ZNF473: variants seen among roughly 807,000 people sequenced by gnomAD.
The protein encoded by ZNF473 is zinc finger protein 100 homolog.
In ZNF473, 4 loss-of-function variants were observed where a neutral mutation model predicts 11.1. That is an observed-to-expected ratio of 0.36 (90% CI 0.18 to 0.82). The LOEUF is 0.82. ZNF473 is among the 40% of genes least tolerant of loss of function. ZNF473 has a pLI of 0.49. For synonymous variants in ZNF473, 404 were observed against 390.4 expected (o/e 1.03, Z -0.41); for missense variants, 854 against 1,084.0 (o/e 0.79, Z 2.98).
At chr19:50,034,747 C>T (rs550637090) in intron 2 of ZNF473, among the ~76,000 whole-genome samples, 16 of 152,274 alleles carry the variant, frequency 1.1e-4, no homozygotes, top group African/African-American at 1.7e-4. Flanking sequence ...TGGCATGGTT[C>T]GACCTGTAGA....
intron 4 of ZNF473, 95 bp from the exon 5 acceptor site, chr19:50,044,575 A>C: frequency 9.5e-7 from 1 of 1,049,038 alleles, no homozygotes; most frequent in East Asian, 2.4e-5. Flanking sequence ...GGGTCCCTTG[A>C]TGGATAGGCT....
chr19:50,041,383 GC>G (rs2122839866), intron 3 of ZNF473: 2 of 170,476 alleles, frequency 1.2e-5, no homozygotes, highest in Non-Finnish European at 1.3e-5. Context: ...GCAATGTGTG[GC>G]CCATGGGTCA....
chr19:50,033,131 C>G (rs1475815073), intron 2 of ZNF473, among the ~76,000 whole-genome samples: 2 of 152,098 alleles, frequency 1.3e-5, no homozygotes, highest in African/African-American at 4.8e-5. Context: ...TAAGTAAATC[C>G]CATAGAATGC....
At position 50,039,135 on chromosome 19, in the gene ZNF473, G is replaced by C; in HGVS notation, c.10-26G>C. ...GCTCCTCCCTGACCCCAGCCTCTGAGTGACCAATAGTGTACTGTGTTTCAG... is the reference window on the plus strand; with the variant it reads ...GCTCCTCCCTGACCCCAGCCTCTGACTGACCAATAGTGTACTGTGTTTCAG... On this transcript the variant is annotated intron_variant, in intron 2 of 4. Coordinates refer to ENST00000270617, the MANE Select transcript of ZNF473 (RefSeq NM_015428.4). The surrounding 1 kb of genome is among the most constrained non-coding windows in gnomAD (Gnocchi z 4.8). 6.2e-7 allele frequency: 1 copy of C among 1,613,208 alleles called. No individual in the cohort carries two copies. Among genetic ancestry groups the C allele is most frequent in the Non-Finnish European group, 8.5e-7 (1 of 1,179,320 alleles).
chr19:50,031,574 C>T (rs1476278344), intron 2 of ZNF473, among the ~76,000 whole-genome samples: 1 of 152,134 alleles, frequency 6.6e-6, no homozygotes, highest in Non-Finnish European at 1.5e-5. Context: ...CCCCACCCTT[C>T]CCTAGGCAGT....
chr19:50,034,976 T>C (rs1011557414), intron 2 of ZNF473, among the ~76,000 whole-genome samples: 12 of 152,318 alleles, frequency 7.9e-5, no homozygotes, highest in Admixed American at 7.8e-4. Flanking sequence ...TTTCTTTTCA[T>C]GTATTAGTTG....
Position 50,030,965 on chromosome 19 carries a change from C to A in ZNF473, c.-118C>A. On this transcript the variant is annotated 5_prime_UTR_variant, in exon 2 of 5. Coordinates refer to ENST00000270617, the MANE Select transcript of ZNF473 (RefSeq NM_015428.4). The stretch of plus-strand genomic sequence containing the variant: ...CTCGTCAGCATGGACAGCGAGTCAG[C>A]CATGGGTGGAAGGGAGGCTTTCTCA... 6.9e-7 allele frequency: 1 copy of A among 1,445,328 alleles called. No individual in the cohort carries two copies. The highest frequency in any genetic ancestry group is 9.5e-7 in the Non-Finnish European group (1 of 1,052,236). 89.5% of individuals were successfully genotyped at this position (1,445,328 alleles called of 1,614,324 possible). A position where few individuals can be genotyped will look rare whatever the true frequency, so the allele number is the denominator to read the frequency against.
intron 2 of ZNF473, among the ~76,000 whole-genome samples, chr19:50,034,722 G>A (rs775391844): frequency 1.3e-5 from 2 of 149,122 alleles, no homozygotes; most frequent in Non-Finnish European, 2.9e-5. Context: ...ACAGTTATTC[G>A]GTCCTTTGAG....
At chr19:50,035,093 A>G (rs2077338034) in intron 2 of ZNF473, among the ~76,000 whole-genome samples, 1 of 152,146 alleles carries the variant, frequency 6.6e-6, no homozygotes, top group Non-Finnish European at 1.5e-5. Flanking sequence ...GGAGTTCAAG[A>G]TCAGCCTGGG....
At position 50,046,156 on chromosome 19, in the gene ZNF473, T is replaced by C. The variant is rs754564962; in HGVS notation, c.1713T>C (p.Phe571=). The change falls in exon 5 of 5, where the codon TTT becomes TTC. Residue 571 remains phenylalanine (F), a synonymous_variant. Coordinates refer to ENST00000270617, the MANE Select transcript of ZNF473 (RefSeq NM_015428.4). This position sits in a 1 kb window ranked among gnomAD's most constrained non-coding sequence, Gnocchi z 5.9. ...AGTGTAACAAATGTGAGAAAACCTT[T>C]AGCTGCAGCAAATACCTAACTCAGC... is the stretch of plus-strand genomic sequence containing the variant. ...CFKCNKCEKT[F]SCSKYLTQHE... 5 of 1,614,132 alleles carry C rather than the reference T, an allele frequency of 3.1e-6. No homozygotes were observed. The South Asian group carries it at 3.3e-5, about 11-fold the overall frequency.
intron 2 of ZNF473, among the ~76,000 whole-genome samples, chr19:50,037,645 A>T (rs1978523214): frequency 6.8e-6 from 1 of 146,766 alleles, no homozygotes; most frequent in Non-Finnish European, 1.5e-5. Context: ...ACATGGCAAG[A>T]CTCCTACTCT....
In ZNF473 at chr19:50,039,014, C is replaced by G; in HGVS notation, c.10-147C>G. 1 of 1,033,144 alleles carries G rather than the reference C, an allele frequency of 9.7e-7. No homozygotes were observed. Among genetic ancestry groups the G allele is most frequent in the African/African-American group, 1.6e-5 (1 of 62,650 alleles). The allele number at this position is 1,033,144 out of a possible 1,614,324, so 64.0% of individuals were successfully genotyped here. A position where few individuals can be genotyped will look rare whatever the true frequency, so the allele number is the denominator to read the frequency against. ...TACAAAATACAGGGGTTTCCAGTCT[C>G]TTACATCTCAAGATTCTTGTGAGGC... On this transcript the variant is annotated intron_variant, in intron 2 of 4. Transcript: ENST00000270617. The surrounding 1 kb of genome is among the most constrained non-coding windows in gnomAD (Gnocchi z 4.8).
intron 4 of ZNF473, 121 bp from the exon 5 acceptor site, chr19:50,044,549 C>T: frequency 2.6e-6 from 2 of 773,662 alleles, no homozygotes; most frequent in South Asian, 3.7e-5. Flanking sequence ...GCCAGTTCCA[C>T]ATGGGTCACC....
Position 50,039,408 on chromosome 19 carries a change from C to G in ZNF473, c.136+121C>G. 7.5e-7 allele frequency: 1 copy of G among 1,340,974 alleles called. No homozygotes were observed. The highest frequency in any genetic ancestry group is 1.4e-5 in the South Asian group (1 of 72,146). 83.1% of individuals were successfully genotyped at this position (1,340,974 alleles called of 1,614,324 possible). A position where few individuals can be genotyped will look rare whatever the true frequency, so the allele number is the denominator to read the frequency against. ...CTCCTCAGAATCAGCATGACCTAGC[C>G]CAGCAGTTCTCAGCTGGCCGAGGAG... is the stretch of plus-strand genomic sequence containing the variant. On this transcript the variant is annotated intron_variant, in intron 3 of 4. Transcript: ENST00000270617. The surrounding 1 kb of genome is among the most constrained non-coding windows in gnomAD (Gnocchi z 4.8).
In ZNF473 at chr19:50,045,449, A is replaced by C; in HGVS notation, c.1006A>C (p.Thr336Pro). Residue 336 changes from threonine (T) to proline (P), a missense_variant, in exon 5 of 5, where the codon ACT becomes CCT. Physicochemically the swap from Thr to Pro is conservative, Grantham distance 38 (BLOSUM62 -1). This residue lies in a region of ZNF473 where 668 missense variants were observed against 790.2 expected (regional missense o/e 0.85). Transcript: ENST00000270617. ...GGCTTTTACCCGGATCTTCCACCTT[A>C]CTCGGCACCAGAAGATCCACACTCG... ...GKAFTRIFHL[T>P]RHQKIHTRKR... is the part of the protein sequence containing the mutation. The C allele has an allele frequency of 6.2e-7, 1 of 1,614,028 alleles. No homozygotes were observed. The highest frequency in any genetic ancestry group is 2.2e-5 in the East Asian group (1 of 44,878).
At position 50,045,307 on chromosome 19, in the gene ZNF473, A is replaced by G; in HGVS notation, c.864A>G (p.Gly288=). Residue 288 remains glycine, a synonymous_variant, in exon 5 of 5, where the codon GGA becomes GGG. Coordinates refer to ENST00000270617, the MANE Select transcript of ZNF473 (RefSeq NM_015428.4). ...TGTGGCATCAGAAAACTCACACTGG[A>G]GAAAAACCATGTAAGAGTCAAGATA... The part of the protein sequence containing the change: ...TYLWHQKTHT[G]EKPCKSQDSD... 14 of 1,614,202 alleles carry G rather than the reference A, an allele frequency of 8.7e-6. No individual in the cohort carries two copies. The highest frequency in any genetic ancestry group is 1.2e-5 in the Non-Finnish European group (14 of 1,180,038).
rs1401617556 is a variant in ZNF473 at position 50,044,790 on chromosome 19, G to A, written c.347G>A (p.Cys116Tyr). ...GFWNSNFGEA[C>Y]IEDTWLDSLL... ...TGGAACTCCAATTTCGGAGAAGCCT[G>A]TATAGAGGACACCTGGTTAGATAGT... Residue 116 changes from cysteine (C) to tyrosine (Y), a missense_variant, in exon 5 of 5, where the codon TGT becomes TAT. Coordinates refer to ENST00000270617, the MANE Select transcript of ZNF473 (RefSeq NM_015428.4). 1 of 1,614,216 alleles carries A rather than the reference G, an allele frequency of 6.2e-7. No homozygotes were observed. The highest frequency in any genetic ancestry group is 1.7e-5 in the Admixed American group (1 of 60,026).
intron 2 of ZNF473, among the ~76,000 whole-genome samples, 188 bp downstream of exon 2, chr19:50,031,279 A>G (rs1277905944): frequency 2.6e-5 from 4 of 152,008 alleles, no homozygotes; most frequent in Non-Finnish European, 5.9e-5. Flanking sequence ...TTTTAAAGGA[A>G]AGCTCGCATG....
In ZNF473 at chr19:50,047,090, G is replaced by T. The variant is rs752563002; in HGVS notation, c.*31G>T. 7 of 1,559,552 alleles carry T rather than the reference G, an allele frequency of 4.5e-6. No individual in the cohort carries two copies. The East Asian group carries it at 1.6e-4, about 35-fold the overall frequency. On this transcript the variant is annotated 3_prime_UTR_variant, in exon 5 of 5. Coordinates refer to ENST00000270617, the MANE Select transcript of ZNF473 (RefSeq NM_015428.4). ...GGGTGGCAGCAGAGTCCCAGAATAT[G>T]AGACCGTTACTCGGATGTTGAAAGT...
Sources: gnomAD v4.1 joint callset for allele counts (sites outside exome capture counted in the v4.1 genomes callset) on GRCh38, gnomAD v4.1.1 for gene constraint, gnomAD v4.1.1 regional missense constraint, Gnocchi (gnomAD v3.1) non-coding constraint, MANE v1.5 for transcripts, NCBI Gene and HGNC (gene_info 2026-07-23, HGNC 2026-07-21) for gene names.